The following NLGN1 variants were observed in gnomAD, a reference collection of about 807,000 sequenced individuals.
The protein encoded by NLGN1 is neuroligin-1.
A neutral mutation model predicts 65.5 loss-of-function variants in NLGN1; 12 were observed. The observed-to-expected ratio is 0.18, with a 90% CI of 0.12 to 0.30. NLGN1 has a LOEUF of 0.30. Ranked by LOEUF, NLGN1 falls within the 10% of genes least tolerant of loss-of-function variation. NLGN1 has a pLI of 1.00. For synonymous variants in NLGN1, 350 were observed against 359.5 expected, an observed-to-expected ratio of 0.97 and a Z score of 0.30; for missense variants, 750 against 1,007.1, an observed-to-expected ratio of 0.74 and a Z score of 3.46.
At chr3:173,781,727 A>G (rs1781193065) in intron 3 of NLGN1, among the ~76,000 whole-genome samples, 2 of 152,324 alleles carry the variant, frequency 1.3e-5, no homozygotes, top group Non-Finnish European at 2.9e-5. Context: ...TGTTTTTTAA[A>G]AAGGCACATT....
chr3:173,584,253 A>G (rs1436386599), intron 2 of NLGN1, among the ~76,000 whole-genome samples: 2 of 151,600 alleles, frequency 1.3e-5, no homozygotes, highest in Non-Finnish European at 2.9e-5. Flanking sequence ...AGAAAAAAAA[A>G]AAAAAAGGTG....
In NLGN1 at chr3:173,530,491, A is replaced by G. The variant is rs1017186749; in HGVS notation, c.-320-73788A>G. 3.3e-5 allele frequency among the ~76,000 whole-genome samples: 5 copies of G among 152,226 alleles called. No homozygotes were observed. The East Asian group carries it at 9.6e-4, about 29-fold the overall frequency. On this transcript the variant is annotated intron_variant, in intron 2 of 6. Transcript: ENST00000457714. The stretch of plus-strand genomic sequence containing the variant: ...AAAGTAGTAGATATCACCCTCAAAC[A>G]TAAAAGCTATTCGTGAGGGTAATTT...
chr3:173,673,406 A>G (rs1762713369), intron 3 of NLGN1, among the ~76,000 whole-genome samples: 1 of 152,204 alleles, frequency 6.6e-6, no homozygotes. Context: ...TGAAATCAGT[A>G]TCAGAACATT....
At chr3:174,094,459 G>T (rs1272321828) in intron 4 of NLGN1, among the ~76,000 whole-genome samples, 3 of 147,324 alleles carry the variant, frequency 2.0e-5, no homozygotes, top group Non-Finnish European at 4.5e-5. Context: ...TTTTTGAGAT[G>T]ACATCTTGCT....
rs868284804 is a variant in NLGN1, at chr3:173,806,412, G to A, written c.494-1268G>A. On this transcript the variant is annotated intron_variant, in intron 3 of 6. Transcript: ENST00000457714. ...TGGCACCTCGATTATAAGGATGTTG[G>A]AGAGTTAAAAGTGATAAAAAATTTT... Among the ~76,000 whole-genome samples the A allele has an allele frequency of 3.3e-5, 5 of 152,020 alleles. No homozygotes were observed. In the South Asian group the frequency reaches 1.0e-3, roughly 31 times the overall value.
At chr3:173,722,064 T>A (rs1770927807) in intron 3 of NLGN1, among the ~76,000 whole-genome samples, 1 of 152,122 alleles carries the variant, frequency 6.6e-6, no homozygotes, top group African/African-American at 2.4e-5. Context: ...AGAAACACCT[T>A]ACATGATGAC....
At chr3:173,928,901 C>T (rs1743524076) in intron 4 of NLGN1, among the ~76,000 whole-genome samples, 1 of 151,916 alleles carries the variant, frequency 6.6e-6, no homozygotes, top group Non-Finnish European at 1.5e-5. Flanking sequence ...GAACTGCTGA[C>T]CTCAAGTGAT....
chr3:173,734,381 ATTTTTTTTTTTTTT>A lies in NLGN1; in HGVS notation c.494-73280_494-73267del, dbSNP rs71162356. Among the ~76,000 whole-genome samples, 140 of 40,094 alleles carry A rather than the reference ATTTTTTTTTTTTTT, an allele frequency of 3.5e-3. 2 individuals carry two copies. Among genetic ancestry groups the A allele is most frequent in the African/African-American group, 0.014 (126 of 9,144 alleles). The allele number at this position is 40,094 out of a possible 152,430, so 26.3% of individuals were successfully genotyped here. A position where few individuals can be genotyped will look rare whatever the true frequency, so the allele number is the denominator to read the frequency against. On this transcript the variant is annotated intron_variant, in intron 3 of 6. Coordinates refer to ENST00000457714, the Ensembl canonical transcript of NLGN1. ...ATAATTAGATTCTGTGGATAATTCT[ATTTTTTTTTTTTTT>A]TTTTTTTTTTTTTTTTTTAGAAACA...
At chr3:173,555,908 A>G (rs965999293) in intron 2 of NLGN1, among the ~76,000 whole-genome samples, 1 of 152,346 alleles carries the variant, frequency 6.6e-6, no homozygotes, top group Middle Eastern at 3.4e-3. Context: ...TTGAAAATTC[A>G]ACAATAAAGC....
At chr3:174,215,348 C>T (rs1236559840) in intron 4 of NLGN1, among the ~76,000 whole-genome samples, 1 of 152,106 alleles carries the variant, frequency 6.6e-6, no homozygotes, top group Non-Finnish European at 1.5e-5. Flanking sequence ...CACAGAGTGC[C>T]ACTTGCTGTC....
chr3:173,849,713 C>A (rs1337196696), intron 4 of NLGN1, among the ~76,000 whole-genome samples: 1 of 152,046 alleles, frequency 6.6e-6, no homozygotes, highest in Admixed American at 6.6e-5. Context: ...GCTTTAGCCT[C>A]TCGTATAAAT....
intron 4 of NLGN1, among the ~76,000 whole-genome samples, chr3:174,021,190 T>C (rs965706878): frequency 2.6e-5 from 4 of 151,908 alleles, no homozygotes; most frequent in Admixed American, 1.3e-4. Context: ...GAGAAATATA[T>C]TAGTGCTCCA....
intron 3 of NLGN1, among the ~76,000 whole-genome samples, chr3:173,609,242 A>T (rs1170870292): frequency 6.6e-6 from 1 of 152,002 alleles, no homozygotes; most frequent in Non-Finnish European, 1.5e-5. Flanking sequence ...TCTAAGATGG[A>T]TACAGAACTA....
At chr3:173,844,600 G>A (rs956959371) in intron 4 of NLGN1, among the ~76,000 whole-genome samples, 4 of 152,136 alleles carry the variant, frequency 2.6e-5, no homozygotes, top group Admixed American at 2.0e-4. Flanking sequence ...CACAGCAGAG[G>A]CAGAAAAAAC....
At chr3:174,250,680 C>T (rs1004397460) in intron 4 of NLGN1, among the ~76,000 whole-genome samples, 5 of 151,930 alleles carry the variant, frequency 3.3e-5, no homozygotes, top group African/African-American at 1.2e-4. Flanking sequence ...AGAGTTGGTG[C>T]TGGGCCTTGA....
chr3:173,399,058 C>T (rs1339004424), intron 1 of NLGN1, among the ~76,000 whole-genome samples: 2 of 152,126 alleles, frequency 1.3e-5, no homozygotes, highest in African/African-American at 2.4e-5. Flanking sequence ...AAGCAAGGGC[C>T]ATTCATATAT....
At chr3:174,225,594 G>A (rs1156476363) in intron 4 of NLGN1, among the ~76,000 whole-genome samples, 2 of 152,134 alleles carry the variant, frequency 1.3e-5, no homozygotes. Flanking sequence ...CTCTGGGCGT[G>A]GTGGCGGGCG....
At chr3:173,495,382 T>G (rs1440853062) in intron 2 of NLGN1, among the ~76,000 whole-genome samples, 1 of 151,764 alleles carries the variant, frequency 6.6e-6, no homozygotes, top group Non-Finnish European at 1.5e-5. Context: ...ATCAATTTTG[T>G]ACATTCCTTT....
chr3:174,222,630 A>G (rs1283872251), intron 4 of NLGN1, among the ~76,000 whole-genome samples: 1 of 152,174 alleles, frequency 6.6e-6, no homozygotes, highest in Non-Finnish European at 1.5e-5. Context: ...ACAAAATCTC[A>G]TTAGATTCAG....
Sources: allele counts gnomAD v4.1 joint callset (sites outside exome capture counted in the v4.1 genomes callset), GRCh38; gene constraint gnomAD v4.1.1; transcripts MANE v1.5; gene names NCBI Gene and HGNC (gene_info 2026-07-23, HGNC 2026-07-21).